ADGRE2: variants seen among roughly 807,000 people sequenced by gnomAD.
ADGRE2 encodes the protein adhesion G protein-coupled receptor E2.
In ADGRE2, 83 loss-of-function variants were observed where a neutral mutation model predicts 100.8. That is an observed-to-expected ratio of 0.82 (90% CI 0.69 to 0.99). The LOEUF (loss-of-function observed/expected upper bound fraction) is 0.99. ADGRE2 is among the 50% of genes least tolerant of loss of function. The pLI, the probability that ADGRE2 is intolerant of heterozygous loss-of-function variation, is 0.00. For synonymous variants in ADGRE2, 355 were observed against 413.0 expected (o/e 0.86, Z 1.70); for missense variants, 814 against 1,035.7 (o/e 0.79, Z 2.94).
In ADGRE2 at chr19:14,746,465, C is replaced by T. The variant is rs1329546683; in HGVS notation, c.2092-142G>A. On this transcript the variant is annotated intron_variant, in intron 17 of 20. Transcript: ENST00000315576. ...TCAGCTCACTGCCACCTCTGCCTCC[C>T]GGGTTCGAGCGATTCTCCTGTCTCA... is the stretch of plus-strand genomic sequence containing the variant. 40 of 597,000 alleles carry T rather than the reference C, an allele frequency of 6.7e-5. 1 individual carries two copies. The highest frequency in any genetic ancestry group is 1.6e-4 in the South Asian group (8 of 50,468). The allele number at this position is 597,000 out of a possible 1,614,324, so 37.0% of individuals were successfully genotyped here. A position where few individuals can be genotyped will look rare whatever the true frequency, so the allele number is the denominator to read the frequency against.
intron 2 of ADGRE2, 60 bp downstream of exon 2, chr19:14,776,666 C>T: frequency 6.4e-7 from 1 of 1,564,526 alleles, no homozygotes; most frequent in Non-Finnish European, 8.7e-7. Flanking sequence ...TCAGACGCAT[C>T]CAAGGGGTCC....
chr19:14,778,022 G>A (rs1476437157), intron 1 of ADGRE2, among the ~76,000 whole-genome samples: 2 of 152,270 alleles, frequency 1.3e-5, no homozygotes, highest in African/African-American at 2.4e-5. Context: ...CAATGGGATC[G>A]CTGAGTCAAA....
At chr19:14,742,917 G>A (rs2042971752) in intron 20 of ADGRE2, among the ~76,000 whole-genome samples, 1 of 149,990 alleles carries the variant, frequency 6.7e-6, no homozygotes. Context: ...TAAGGAGTAA[G>A]AGCCAAGGAT....
chr19:14,767,242 C>CTTTTTT, intron 5 of ADGRE2, 133 bp from the exon 6 acceptor site: 2 of 1,182,712 alleles, frequency 1.7e-6, no homozygotes, highest in Admixed American at 3.0e-5. Flanking sequence ...TTCTTTCTTT[C>CTTTTTT]TTTTTTTTTT....
At chr19:14,741,981 G>A in intron 20 of ADGRE2, 2 of 398,572 alleles carry the variant, frequency 5.0e-6, no homozygotes, top group Non-Finnish European at 8.8e-6. Flanking sequence ...TTGAGGCATA[G>A]GATAATATGG....
intron 20 of ADGRE2, among the ~76,000 whole-genome samples, chr19:14,742,379 A>G (rs2042957444): frequency 6.6e-6 from 1 of 152,124 alleles, no homozygotes; most frequent in African/African-American, 2.4e-5. Flanking sequence ...CTACAGATGC[A>G]CACAACCACC....
At chr19:14,775,271 C>T (rs2044393808) in intron 2 of ADGRE2, among the ~76,000 whole-genome samples, 1 of 151,956 alleles carries the variant, frequency 6.6e-6, no homozygotes, top group Non-Finnish European at 1.5e-5. Context: ...TCTCAAAGTG[C>T]TGGGATTACA....
At chr19:14,724,374 C>T in the ADGRE2 span, among the ~76,000 whole-genome samples, 1 of 152,188 alleles carries the variant, frequency 6.6e-6, no homozygotes, top group Non-Finnish European at 1.5e-5. Context: ...ATGGTTATAA[C>T]ACTGGCAACC....
intron 11 of ADGRE2, among the ~76,000 whole-genome samples, chr19:14,758,884 C>CCAAAA (rs2043597028): frequency 9.1e-6 from 1 of 110,460 alleles, no homozygotes. Context: ...GACTCCGTCT[C>CCAAAA]AAAAAAAAAA....
At chr19:14,772,564 T>A (rs1017096833) in intron 4 of ADGRE2, 67 bp from the exon 5 acceptor site, 5 of 1,571,664 alleles carry the variant, frequency 3.2e-6, no homozygotes, top group Non-Finnish European at 4.3e-6. Context: ...GAGACCCCCG[T>A]CCTGACTCCC....
At chr19:14,726,356 T>G in the ADGRE2 span, among the ~76,000 whole-genome samples, 1 of 152,162 alleles carries the variant, frequency 6.6e-6, no homozygotes, top group Admixed American at 6.6e-5. Context: ...CAAAGCCTTT[T>G]TCCTTTTGTC....
chr19:14,753,564 C>T (rs939740745), intron 14 of ADGRE2, among the ~76,000 whole-genome samples: 1 of 151,894 alleles, frequency 6.6e-6, no homozygotes, highest in Non-Finnish European at 1.5e-5. Context: ...GAGGCCGAGG[C>T]GGGTGGATTA....
chr19:14,776,615 C>T, intron 2 of ADGRE2, 111 bp downstream of exon 2: 1 of 1,277,360 alleles, frequency 7.8e-7, no homozygotes, highest in South Asian at 1.3e-5. Context: ...GTGGCTTTCT[C>T]CATCGCCGGC....
At chr19:14,773,096 A>C (rs1289726187) in intron 4 of ADGRE2, among the ~76,000 whole-genome samples, 1 of 137,156 alleles carries the variant, frequency 7.3e-6, no homozygotes, top group South Asian at 2.3e-4. Flanking sequence ...AAAAAAAAAA[A>C]AACAAAAAAA....
At chr19:14,769,226 C>A (rs959828949) in intron 5 of ADGRE2, among the ~76,000 whole-genome samples, 39 of 142,170 alleles carry the variant, frequency 2.7e-4, no homozygotes, top group Non-Finnish European at 3.5e-4. Context: ...ACCCCCCCCC[C>A]ATCTTTACTA....
the ADGRE2 span, among the ~76,000 whole-genome samples, chr19:14,727,194 A>T: frequency 2.0e-5 from 3 of 151,736 alleles, no homozygotes; most frequent in Non-Finnish European, 1.5e-5. Context: ...CGCCTGGCTA[A>T]TTTTTTTGTA....
At chr19:14,775,927 T>C (rs1253546686) in intron 2 of ADGRE2, among the ~76,000 whole-genome samples, 1 of 150,188 alleles carries the variant, frequency 6.7e-6, no homozygotes, top group Non-Finnish European at 1.5e-5. Context: ...ACCGCATGCT[T>C]CCTCAGGGAC....
At chr19:14,758,555 AGTTT>A (rs1373835977) in intron 11 of ADGRE2, among the ~76,000 whole-genome samples, 41 of 152,198 alleles carry the variant, frequency 2.7e-4, no homozygotes, top group Non-Finnish European at 4.7e-4. Flanking sequence ...ATAAGAAGTT[AGTTT>A]AAGAGTGGAG....
chr19:14,736,882 A>C (rs1311163914), intron 20 of ADGRE2, among the ~76,000 whole-genome samples: 3 of 145,316 alleles, frequency 2.1e-5, no homozygotes, highest in African/African-American at 5.0e-5. Flanking sequence ...CTATATATTT[A>C]GAAATATATA....
Sources: allele counts gnomAD v4.1 joint callset (sites outside exome capture counted in the v4.1 genomes callset), GRCh38; gene constraint gnomAD v4.1.1; transcripts MANE v1.5; gene names NCBI Gene and HGNC (gene_info 2026-07-23, HGNC 2026-07-21).